RUNX2: variants seen among roughly 807,000 people sequenced by gnomAD.
RUNX2 encodes runt-related transcription factor 2.
In RUNX2, 10 loss-of-function variants were observed where a neutral mutation model predicts 51.7. That is an observed-to-expected ratio of 0.19 (90% confidence interval 0.12 to 0.33). The LOEUF is 0.33. Ranked by LOEUF, RUNX2 falls within the 10% of genes least tolerant of loss-of-function variation. RUNX2 has a pLI of 1.00. For missense variants in RUNX2, 562 were observed against 691.3 expected, an observed-to-expected ratio of 0.81 and a Z score of 2.10; for synonymous variants, 276 against 273.6, an observed-to-expected ratio of 1.01 and a Z score of -0.09.
intron 2 of RUNX2, among the ~76,000 whole-genome samples, chr6:45,367,606 G>A (rs1314804324): frequency 2.0e-5 from 3 of 152,128 alleles, no homozygotes; most frequent in Non-Finnish European, 4.4e-5. Flanking sequence ...CTCAATAGAA[G>A]GCTGACAGAG....
chr6:45,489,097 A>G (rs1201770356), intron 5 of RUNX2, among the ~76,000 whole-genome samples: 1 of 152,276 alleles, frequency 6.6e-6, no homozygotes, highest in East Asian at 1.9e-4. Context: ...TACTTCATAC[A>G]TTATGAAGAG....
chr6:45,486,035 C>T (rs2150403471), intron 5 of RUNX2, among the ~76,000 whole-genome samples: 1 of 152,208 alleles, frequency 6.6e-6, no homozygotes, highest in Non-Finnish European at 1.5e-5. Flanking sequence ...ATTTCCTCAC[C>T]TACTATTTTG....
chr6:45,351,674 T>G (rs2037145719), intron 2 of RUNX2, among the ~76,000 whole-genome samples: 1 of 152,106 alleles, frequency 6.6e-6, no homozygotes, highest in South Asian at 2.1e-4. Flanking sequence ...CCCTCCCCAT[T>G]TTTCTCCAAA....
At chr6:45,541,874 A>C (rs181107167) in intron 7 of RUNX2, among the ~76,000 whole-genome samples, 41 of 152,252 alleles carry the variant, frequency 2.7e-4, no homozygotes, top group African/African-American at 9.4e-4. Flanking sequence ...TGTTCTAGAG[A>C]TCTCCTTACC....
At chr6:45,470,676 C>T (rs1799773358) in intron 5 of RUNX2, among the ~76,000 whole-genome samples, 1 of 152,134 alleles carries the variant, frequency 6.6e-6, no homozygotes, top group Admixed American at 6.5e-5. Context: ...AATACTTCTC[C>T]TGGTCTCTAT....
intron 2 of RUNX2, among the ~76,000 whole-genome samples, chr6:45,329,215 C>G (rs1786963783): frequency 6.6e-6 from 1 of 151,808 alleles, no homozygotes; most frequent in African/African-American, 2.4e-5. Flanking sequence ...AATAACAGAC[C>G]ACAGAATTAT....
rs1361573022 is a variant in RUNX2, at chr6:45,336,184, T to TC, written c.58+7400_58+7401insC. Among the ~76,000 whole-genome samples the TC allele has an allele frequency of 2.6e-5, 3 of 114,658 alleles. 1 individual carries two copies. The highest frequency in any genetic ancestry group is 5.5e-4 in the South Asian group (2 of 3,638). 75.2% of individuals were successfully genotyped at this position (114,658 alleles called of 152,430 possible). ...TCTCTCTGTAATTTAGAAGGAAAAC[T>TC]TAACATTTTAAAAACTTTTTACCAC... On this transcript the variant is annotated intron_variant, in intron 2 of 8. Transcript: ENST00000647337.
intron 2 of RUNX2, among the ~76,000 whole-genome samples, chr6:45,385,382 C>T (rs918000202): frequency 6.6e-6 from 1 of 152,096 alleles, no homozygotes; most frequent in African/African-American, 2.4e-5. Context: ...TCTGAACTTC[C>T]CCTTACGGTA....
At chr6:45,409,595 T>A (rs1355958811) in intron 2 of RUNX2, among the ~76,000 whole-genome samples, 1 of 152,208 alleles carries the variant, frequency 6.6e-6, no homozygotes, top group Non-Finnish European at 1.5e-5. Flanking sequence ...CGAGGTTTTT[T>A]CCCCAATTTA....
chr6:45,523,140 A>G (rs1231902970), intron 7 of RUNX2, among the ~76,000 whole-genome samples: 1 of 152,194 alleles, frequency 6.6e-6, no homozygotes, highest in Non-Finnish European at 1.5e-5. Flanking sequence ...TTCAGGAAAA[A>G]TAGGATCACT....
At chr6:45,412,827 C>T (rs1797980604) in intron 2 of RUNX2, among the ~76,000 whole-genome samples, 1 of 152,144 alleles carries the variant, frequency 6.6e-6, no homozygotes, top group South Asian at 2.1e-4. Context: ...TTACTGCAAC[C>T]TCCGCCTCCA....
chr6:45,432,131 C>A, intron 4 of RUNX2, 112 bp downstream of exon 4: 1 of 1,047,232 alleles, frequency 9.5e-7, no homozygotes, highest in Non-Finnish European at 1.4e-6. Context: ...AATAGAATTA[C>A]TGAAGATTTG....
chr6:45,485,666 GATATGT>G lies in RUNX2; in HGVS notation c.686-6272_686-6267del, dbSNP rs141077994. 4.3e-4 allele frequency among the ~76,000 whole-genome samples: 46 copies of G among 105,886 alleles called. No individual in the cohort carries two copies. In the East Asian group the frequency reaches 4.9e-3, roughly 11 times the overall value. The allele number at this position is 105,886 out of a possible 152,430, so 69.5% of individuals were successfully genotyped here. A position where few individuals can be genotyped will look rare whatever the true frequency, so the allele number is the denominator to read the frequency against. On this transcript the variant is annotated intron_variant, in intron 5 of 8. Coordinates refer to ENST00000647337, the MANE Select transcript of RUNX2 (RefSeq NM_001024630.4). The stretch of plus-strand genomic sequence containing the variant: ...ATAAGCGTATATATATGTGTGCATG[GATATGT>G]ATGTGTGTGTGTGTGTGTGTGTGTG...
chr6:45,436,474 T>C (rs1798689287), intron 4 of RUNX2, among the ~76,000 whole-genome samples: 1 of 152,182 alleles, frequency 6.6e-6, no homozygotes, highest in Non-Finnish European at 1.5e-5. Context: ...AGATAATGTG[T>C]ATGAAGTGGC....
At chr6:45,378,030 C>G (rs536358554) in intron 2 of RUNX2, 7 of 152,176 alleles carry the variant, frequency 4.6e-5, no homozygotes, top group East Asian at 3.9e-4. Context: ...GGACGCCCCC[C>G]GCACTGGCAG....
At chr6:45,454,389 A>G (rs1045602731) in intron 5 of RUNX2, among the ~76,000 whole-genome samples, 3 of 152,266 alleles carry the variant, frequency 2.0e-5, no homozygotes, top group African/African-American at 7.2e-5. Context: ...CTTTCGTAGC[A>G]TGAGATTTGT....
chr6:45,470,788 C>T (rs1448675496), intron 5 of RUNX2, among the ~76,000 whole-genome samples: 1 of 152,180 alleles, frequency 6.6e-6, no homozygotes, highest in Non-Finnish European at 1.5e-5. Flanking sequence ...TAATATATTT[C>T]TCTGAAGACA....
At chr6:45,349,108 C>T (rs1411955177) in intron 2 of RUNX2, among the ~76,000 whole-genome samples, 1 of 152,068 alleles carries the variant, frequency 6.6e-6, no homozygotes, top group Non-Finnish European at 1.5e-5. Flanking sequence ...ATGTTACTGC[C>T]TATAATACAA....
intron 2 of RUNX2, among the ~76,000 whole-genome samples, chr6:45,416,780 A>T (rs931917644): frequency 6.6e-6 from 1 of 152,246 alleles, no homozygotes; most frequent in Non-Finnish European, 1.5e-5. Context: ...CTCTTTAGTC[A>T]GTACCATGCC....
Sources: allele counts gnomAD v4.1 joint callset (sites outside exome capture counted in the v4.1 genomes callset), GRCh38; gene constraint gnomAD v4.1.1; transcripts MANE v1.5; gene names NCBI Gene and HGNC (gene_info 2026-07-23, HGNC 2026-07-21).